PFKFB1: variants seen among roughly 807,000 people sequenced by gnomAD.
PFKFB1 encodes 6-phosphofructo-2-kinase/fructose-2,6-biphosphatase 1.
In PFKFB1, 34 loss-of-function variants were observed where a neutral mutation model predicts 46.4. The observed-to-expected ratio is 0.73, with a 90% CI of 0.56 to 0.98. The LOEUF is 0.98. PFKFB1 is among the 50% of genes least tolerant of loss of function. The probability of loss-of-function intolerance (pLI) is 0.00; values close to 1 mark genes in which losing one functional copy is unlikely to be tolerated. For synonymous variants in PFKFB1, 119 were observed against 133.8 expected (o/e 0.89, Z 0.76); for missense variants, 393 against 376.3 (o/e 1.04, Z -0.37).
chrX:54,939,481 T>C (rs1366021095), intron 10 of PFKFB1, among the ~76,000 whole-genome samples: 1 of 110,651 alleles, frequency 9.0e-6, no homozygotes, highest in Non-Finnish European at 1.9e-5. Flanking sequence ...ATCAACAAAA[T>C]TGATAGACCA....
Position 54,933,570 on chromosome X carries a change from G to A in PFKFB1, c.1357-108C>T, listed in dbSNP as rs751738869. The A allele has an allele frequency of 8.4e-5, 57 of 679,865 alleles. No individual in the cohort carries two copies. In the African/African-American group the frequency reaches 9.3e-4, roughly 11 times the overall value. The allele number at this position is 679,865 out of a possible 1,213,427, so 56.0% of individuals were successfully genotyped here. ...AGGCTCCCCTCTTTCAGCCAGGCCC[G>A]GATCCTGACCCTCAGGTAGGCCTGG... On this transcript the variant is annotated intron_variant, in intron 13 of 13. Transcript: ENST00000375006.
chrX:54,992,657 T>C (rs1935269826), intron 1 of PFKFB1, among the ~76,000 whole-genome samples: 1 of 112,581 alleles, frequency 8.9e-6, no homozygotes. Context: ...GTGATTTATG[T>C]ATATTATCTC....
intron 6 of PFKFB1, among the ~76,000 whole-genome samples, chrX:54,956,798 G>A (rs1174546096): frequency 1.8e-5 from 2 of 110,217 alleles, no homozygotes; most frequent in Non-Finnish European, 3.8e-5. Flanking sequence ...CATCCTAGAT[G>A]TCTGTCTTTC....
At chrX:54,972,275 C>T (rs1416392869) in intron 1 of PFKFB1, among the ~76,000 whole-genome samples, 1 of 109,994 alleles carries the variant, frequency 9.1e-6, no homozygotes, top group Non-Finnish European at 1.9e-5. Flanking sequence ...ACAATCATGT[C>T]GTCTGCAAAC....
intron 1 of PFKFB1, among the ~76,000 whole-genome samples, chrX:54,985,876 C>T (rs1189857815): frequency 9.2e-6 from 1 of 108,975 alleles, no homozygotes; most frequent in Non-Finnish European, 1.9e-5. Flanking sequence ...AGAACAACCA[C>T]GAAGAATATA....
chrX:54,941,277 A>C (rs1217215901), intron 10 of PFKFB1, among the ~76,000 whole-genome samples: 2 of 112,007 alleles, frequency 1.8e-5, no homozygotes, highest in Non-Finnish European at 3.8e-5. Context: ...TAGACCTAAA[A>C]CCATAAAAAC....
intron 8 of PFKFB1, 59 bp downstream of exon 8, chrX:54,951,846 C>T: frequency 9.9e-7 from 1 of 1,011,736 alleles, no homozygotes; most frequent in Non-Finnish European, 1.4e-6. Context: ...CACCACTACA[C>T]CTGCAGCCCA....
intron 6 of PFKFB1, 82 bp from the exon 7 acceptor site, chrX:54,956,356 G>A: frequency 1.8e-6 from 2 of 1,087,951 alleles, no homozygotes; most frequent in Non-Finnish European, 2.5e-6. Flanking sequence ...AGAGACCATT[G>A]AGTACAAGAT....
rs1288738705 is a variant in PFKFB1 at position 54,933,444 on chromosome X, C to T, written c.1375G>A (p.Glu459Lys). 1 of 1,208,993 alleles carries T rather than the reference C, an allele frequency of 8.3e-7. No individual in the cohort carries two copies. Among genetic ancestry groups the T allele is most frequent in the African/African-American group, 1.7e-5 (1 of 57,684 alleles). ...ACAGTATCCAGGGCTTCCTCAGGTT[C>T]CCGGGTGATGTCCACATTCTGAGGA... ...EKPENVDITR[E>K]PEEALDTVPA... is the part of the protein sequence containing the mutation. Residue 459 changes from glutamate (E) to lysine (K), a missense_variant, in exon 14 of 14, where the codon GAA becomes AAA. Coordinates refer to ENST00000375006, the MANE Select transcript of PFKFB1 (RefSeq NM_002625.4).
intron 1 of PFKFB1, among the ~76,000 whole-genome samples, chrX:54,973,753 C>T (rs937920289): frequency 9.0e-6 from 1 of 111,062 alleles, no homozygotes; most frequent in African/African-American, 3.3e-5. Flanking sequence ...GACAGCTTTA[C>T]TTCCAACTAT....
intron 1 of PFKFB1, among the ~76,000 whole-genome samples, chrX:54,964,880 A>G (rs1035512552): frequency 8.9e-6 from 1 of 111,737 alleles, no homozygotes; most frequent in Non-Finnish European, 1.9e-5. Context: ...AGAGAAAAAA[A>G]CACAGTAACA....
intron 1 of PFKFB1, among the ~76,000 whole-genome samples, chrX:54,970,117 C>G (rs1250501778): frequency 1.8e-5 from 2 of 110,523 alleles, no homozygotes; most frequent in East Asian, 5.7e-4. Flanking sequence ...CCATGTTGGC[C>G]AGGCTGGTCT....
intron 8 of PFKFB1, among the ~76,000 whole-genome samples, chrX:54,951,439 G>C (rs895137212): frequency 8.9e-6 from 1 of 112,187 alleles, no homozygotes; most frequent in African/African-American, 3.2e-5. Flanking sequence ...TGTGACACCT[G>C]CGTTGGGATA....
upstream of PFKFB1, chrX:54,994,348 G>A (rs756275258): frequency 1.3e-3 from 968 of 752,415 alleles, 1 homozygote; most frequent in Non-Finnish European, 1.4e-3. Context: ...ACACAGCCCA[G>A]GTCTGACCAG....
intron 1 of PFKFB1, among the ~76,000 whole-genome samples, chrX:54,975,088 C>A (rs1454747271): frequency 9.0e-6 from 1 of 111,529 alleles, no homozygotes; most frequent in Non-Finnish European, 1.9e-5. Context: ...TTTGATCCAG[C>A]AATCCCACTA....
chrX:54,961,842 A>T (rs1263513987), intron 2 of PFKFB1, among the ~76,000 whole-genome samples: 1 of 111,995 alleles, frequency 8.9e-6, no homozygotes, highest in Non-Finnish European at 1.9e-5. Flanking sequence ...TTACAGGCAG[A>T]TATGGGCAGC....
intron 1 of PFKFB1, among the ~76,000 whole-genome samples, chrX:54,972,619 T>C (rs1160368509): frequency 8.9e-6 from 1 of 111,941 alleles, no homozygotes; most frequent in African/African-American, 3.2e-5. Flanking sequence ...TCTTTGGTTC[T>C]GTTTATATGC....
In PFKFB1 at chrX:54,956,914, A is replaced by G. The variant is rs1014220674; in HGVS notation, c.517-640T>C. 2.7e-5 allele frequency among the ~76,000 whole-genome samples: 3 copies of G among 111,624 alleles called. No homozygotes were observed. In the East Asian group the frequency reaches 8.5e-4, roughly 31 times the overall value. ...GCTCACTATAGCTTTGTGCCCAATT[A>G]CTTTGTCTATATTCTTTTTAGTTCT... is the stretch of plus-strand genomic sequence containing the variant. On this transcript the variant is annotated intron_variant, in intron 6 of 13. Transcript: ENST00000375006.
intron 1 of PFKFB1, among the ~76,000 whole-genome samples, chrX:54,972,918 A>G (rs774262051): frequency 8.9e-6 from 1 of 111,827 alleles, no homozygotes; most frequent in African/African-American, 3.2e-5. Context: ...GAATGGTACC[A>G]GTTCCTCCTT....
Sources: gnomAD v4.1 joint callset for allele counts (sites outside exome capture counted in the v4.1 genomes callset) on GRCh38, gnomAD v4.1.1 for gene constraint, MANE v1.5 for transcripts, NCBI Gene and HGNC (gene_info 2026-07-23, HGNC 2026-07-21) for gene names.